Variants in EIF2AK4 observed in about 807,000 individuals in gnomAD.
The protein encoded by EIF2AK4 is eukaryotic translation initiation factor 2 alpha kinase 4.
EIF2AK4 carries 139 observed loss-of-function variants against 211.1 expected under a neutral mutation model. That is an observed-to-expected ratio of 0.66 (90% CI 0.57 to 0.76). EIF2AK4 has a LOEUF of 0.76. EIF2AK4 is among the 30% of genes least tolerant of loss of function. EIF2AK4 has a pLI of 0.00. For synonymous variants in EIF2AK4, 710 were observed against 751.3 expected (o/e 0.94, Z 0.90); for missense variants, 1,664 against 2,043.8 (o/e 0.81, Z 3.58).
rs1448970491 is a variant in EIF2AK4, at chr15:39,967,586, T to C, written c.1260T>C (p.Ser420=). 1 of 1,614,046 alleles carries C rather than the reference T, an allele frequency of 6.2e-7. No homozygotes were observed. Among genetic ancestry groups the C allele is most frequent in the Non-Finnish European group, 8.5e-7 (1 of 1,179,962 alleles). Residue 420 remains serine (S), a synonymous_variant, in exon 9 of 39, where the codon TCT becomes TCC. Coordinates refer to ENST00000263791, the MANE Select transcript of EIF2AK4 (RefSeq NM_001013703.4). ...LSGLDYLHSN[S]VVHKVLSASN... ...GCCTTGATTATCTGCACAGCAATTC[T>C]GTGGTGCATAAGGTCCTGAGTGCAT...
At chr15:39,992,717 C>T (rs369627438) in intron 17 of EIF2AK4, 52 bp from the exon 18 acceptor site, 1 of 1,513,326 alleles carries the variant, frequency 6.6e-7, no homozygotes. Context: ...TAGTTTGTGT[C>T]TTCTGTAAGT....
intron 32 of EIF2AK4, among the ~76,000 whole-genome samples, chr15:40,025,033 GTCTTCA>G (rs1567009617): frequency 6.6e-6 from 1 of 152,184 alleles, no homozygotes; most frequent in African/African-American, 2.4e-5. Context: ...CAGCAGTGAA[GTCTTCA>G]GGAAGGTGCT....
chr15:39,945,990 T>C (rs983802477), intron 3 of EIF2AK4, among the ~76,000 whole-genome samples: 2 of 152,218 alleles, frequency 1.3e-5, no homozygotes, highest in African/African-American at 4.8e-5. Context: ...TTATTGCTCA[T>C]TGACAGCGCA....
chr15:39,934,339 G>T lies in EIF2AK4; in HGVS notation c.144G>T (p.Pro48=), dbSNP rs961331529. The change falls in exon 1 of 39, where the codon CCG becomes CCT. Residue 48 remains proline, a splice_region_variant and synonymous_variant. Coordinates refer to ENST00000263791, the MANE Select transcript of EIF2AK4 (RefSeq NM_001013703.4). ...ACCTGCGGCCGGACGCTTGCGGACC[G>T]GTAGGAACGTGGCTTGTCAGGCCCG... The part of the protein sequence containing the change: ...FQDLRPDACG[P]VKEPPEINLV... 3 of 1,606,266 alleles carry T rather than the reference G, an allele frequency of 1.9e-6. No homozygotes were observed. Among genetic ancestry groups the T allele is most frequent in the Non-Finnish European group, 2.5e-6 (3 of 1,176,728 alleles).
chr15:39,957,189 T>C (rs1004809437), intron 6 of EIF2AK4, among the ~76,000 whole-genome samples: 1 of 152,226 alleles, frequency 6.6e-6, no homozygotes, highest in Non-Finnish European at 1.5e-5. Context: ...TTTTCAGATA[T>C]ATGGAAGATG....
intron 37 of EIF2AK4, among the ~76,000 whole-genome samples, chr15:40,033,723 C>T (rs867836769): frequency 2.6e-5 from 4 of 152,102 alleles, no homozygotes; most frequent in African/African-American, 4.8e-5. Context: ...CTGCTATCAC[C>T]GTTGTACAAA....
In EIF2AK4 at chr15:39,987,892, G is replaced by A. The variant is rs991455039; in HGVS notation, c.2404-91G>A. On this transcript the variant is annotated intron_variant, in intron 14 of 38. Coordinates refer to ENST00000263791, the MANE Select transcript of EIF2AK4 (RefSeq NM_001013703.4). ...TAACCGTTTAAAACCCATGGTACAC[G>A]TTTTAAAATGGAGGATTATGTAAAT... is the stretch of plus-strand genomic sequence containing the variant. 7 of 1,461,906 alleles carry A rather than the reference G, an allele frequency of 4.8e-6. No individual in the cohort carries two copies. In the East Asian group the frequency reaches 6.9e-5, roughly 14 times the overall value. The allele number at this position is 1,461,906 out of a possible 1,614,324, so 90.6% of individuals were successfully genotyped here. A position where few individuals can be genotyped will look rare whatever the true frequency, so the allele number is the denominator to read the frequency against.
intron 21 of EIF2AK4, 155 bp from the exon 22 acceptor site, chr15:40,002,558 T>G: frequency 1.4e-6 from 1 of 721,294 alleles, no homozygotes; most frequent in Admixed American, 2.4e-5. Context: ...TGTGTCCTCT[T>G]CCCTGATGTG....
intron 5 of EIF2AK4, 130 bp from the exon 6 acceptor site, chr15:39,955,490 G>C: frequency 1.1e-6 from 1 of 899,568 alleles, no homozygotes; most frequent in Non-Finnish European, 1.6e-6. Context: ...TAAAAGTTAA[G>C]TTCAATTTTA....
intron 9 of EIF2AK4, among the ~76,000 whole-genome samples, chr15:39,970,487 T>A (rs977862389): frequency 1.3e-5 from 2 of 152,140 alleles, no homozygotes; most frequent in African/African-American, 4.8e-5. Context: ...AGTAGGAGAA[T>A]GTGTAAATAA....
chr15:39,987,890 A>C, intron 14 of EIF2AK4, 93 bp from the exon 15 acceptor site: 1 of 1,435,214 alleles, frequency 7.0e-7, no homozygotes, highest in Non-Finnish European at 9.6e-7. Context: ...CCCATGGTAC[A>C]CGTTTTAAAA....
At chr15:39,996,860 C>T (rs1486422966) in intron 18 of EIF2AK4, 104 bp from the exon 19 acceptor site, 2 of 789,712 alleles carry the variant, frequency 2.5e-6, no homozygotes, top group East Asian at 2.5e-5. Context: ...CTGTTTTGTA[C>T]TCCTACAAAC....
chr15:39,973,784 G>A, intron 11 of EIF2AK4, 35 bp downstream of exon 11: 1 of 1,608,540 alleles, frequency 6.2e-7, no homozygotes, highest in South Asian at 1.1e-5. Context: ...CCCCTTTAGA[G>A]CTCCTTCTCT....
intron 15 of EIF2AK4, among the ~76,000 whole-genome samples, chr15:39,989,489 G>A (rs2034912835): frequency 6.6e-6 from 1 of 152,158 alleles, no homozygotes. Flanking sequence ...TTTATCCTGG[G>A]ATGCTAGAAC....
chr15:39,973,059 A>C (rs1286626425), intron 10 of EIF2AK4, 45 bp downstream of exon 10: 10 of 1,543,872 alleles, frequency 6.5e-6, no homozygotes, highest in Non-Finnish European at 9.0e-6. Context: ...TTTGACATTA[A>C]ATTATTTTGA....
In EIF2AK4 at chr15:39,997,063, G is replaced by T; in HGVS notation, c.2866G>T (p.Asp956Tyr). 1 of 1,608,336 alleles carries T rather than the reference G, an allele frequency of 6.2e-7. No individual in the cohort carries two copies. The highest frequency in any genetic ancestry group is 8.5e-7 in the Non-Finnish European group (1 of 1,174,780). Residue 956 changes from aspartate to tyrosine, a missense_variant and splice_region_variant, in exon 19 of 39, where the codon GAT (aspartate) becomes TAT (tyrosine). Physicochemically the swap from Asp to Tyr is radical, Grantham distance 160 (BLOSUM62 -3). Around this residue, in one of 7 missense-constraint regions of EIF2AK4, gnomAD observed 622 missense variants for 796.8 expected, o/e 0.78. Transcript: ENST00000263791. ...ERIFVLNQLR[D>Y]PTSPKFPEDF... ...GATCTTTGTTCTCAACCAACTCAGA[G>T]ATGTATGTATCAGGTGTTTTAGTGC... is the stretch of plus-strand genomic sequence containing the variant.
chr15:40,008,118 A>G lies in EIF2AK4; in HGVS notation c.3499A>G (p.Thr1167Ala), dbSNP rs1348164652. The G allele has an allele frequency of 5.0e-6, 8 of 1,613,118 alleles. No individual in the cohort carries two copies. Among genetic ancestry groups the G allele is most frequent in the Non-Finnish European group, 5.9e-6 (7 of 1,179,636 alleles). Residue 1167 changes from threonine (T) to alanine (A), a missense_variant, in exon 25 of 39, where the codon ACC (threonine) becomes GCC (alanine). Coordinates refer to ENST00000263791, the MANE Select transcript of EIF2AK4 (RefSeq NM_001013703.4). Reference sequence around the variant, plus strand: ...GTGTGCATTTGATATTGTCACTTCTACCACCAACAGCTTTCTGCCCACTGC... The same window carrying G: ...GTGTGCATTTGATATTGTCACTTCTGCCACCAACAGCTTTCTGCCCACTGC... ...LECAFDIVTS[T>A]TNSFLPTAEI... is the part of the protein sequence containing the mutation.
rs375792087 is a variant in EIF2AK4, at chr15:39,992,138, T to C, written c.2632-37T>C. On this transcript the variant is annotated intron_variant, in intron 16 of 38. Transcript: ENST00000263791. ...AAGCCATTCTCATGGAATAATATCA[T>C]GTTTTAATTGGATATTTGGCTTACT... 19 of 1,575,110 alleles carry C rather than the reference T, an allele frequency of 1.2e-5. No individual in the cohort carries two copies. In the African/African-American group the frequency reaches 1.6e-4, roughly 13 times the overall value.
Position 39,965,721 on chromosome 15 carries a change from G to C in EIF2AK4, c.895G>C (p.Ala299Pro). 6.2e-7 allele frequency: 1 copy of C among 1,614,032 alleles called. No homozygotes were observed. Among genetic ancestry groups the C allele is most frequent in the Non-Finnish European group, 8.5e-7 (1 of 1,179,960 alleles). The change falls in exon 8 of 39, where the codon GCT becomes CCT. Residue 299 changes from alanine to proline, a missense_variant. By Grantham distance (27) the Ala-to-Pro change is conservative. Around this residue, in one of 7 missense-constraint regions of EIF2AK4, gnomAD observed 641 missense variants for 729.6 expected, o/e 0.88. Transcript: ENST00000263791. ...DEQLGKLVYN[A>P]LETATGGFVL... ...ACAACTTGGAAAATTAGTCTACAATGCTTTGGAAACAGCCACTGGTGGCTT... is the reference window on the plus strand; with the variant it reads ...ACAACTTGGAAAATTAGTCTACAATCCTTTGGAAACAGCCACTGGTGGCTT...
Sources: gnomAD v4.1 joint callset for allele counts (sites outside exome capture counted in the v4.1 genomes callset) on GRCh38, gnomAD v4.1.1 for gene constraint, gnomAD v4.1.1 regional missense constraint, MANE v1.5 for transcripts, NCBI Gene and HGNC (gene_info 2026-07-23, HGNC 2026-07-21) for gene names.